Variants in EXOC4 observed in about 807,000 individuals in gnomAD.
EXOC4 encodes exocyst complex component 4.
A neutral mutation model predicts 107.2 loss-of-function variants in EXOC4; 71 were observed. That is an observed-to-expected ratio of 0.66 (90% CI 0.55 to 0.81). EXOC4 has a LOEUF of 0.81. Ranked by LOEUF, EXOC4 falls within the 30% of genes least tolerant of loss-of-function variation. EXOC4 has a pLI of 0.00. For synonymous variants in EXOC4, 456 were observed against 441.2 expected (o/e 1.03, Z -0.42); for missense variants, 1,108 against 1,189.6 (o/e 0.93, Z 1.01).
chr7:133,672,215 C>A (rs1181430139), intron 10 of EXOC4, among the ~76,000 whole-genome samples: 5 of 151,762 alleles, frequency 3.3e-5, no homozygotes, highest in African/African-American at 9.7e-5. Flanking sequence ...CATGGTGAAA[C>A]CCCGTCTCTA....
intron 10 of EXOC4, among the ~76,000 whole-genome samples, chr7:133,780,574 AATT>A (rs1050890693): frequency 2.0e-5 from 3 of 152,122 alleles, no homozygotes; most frequent in African/African-American, 7.2e-5. Context: ...AGTCTACAGG[AATT>A]ATTGTTTGTA....
chr7:134,069,929 C>T (rs1398190564), downstream of EXOC4, among the ~76,000 whole-genome samples: 1 of 152,150 alleles, frequency 6.6e-6, no homozygotes, highest in Non-Finnish European at 1.5e-5. Context: ...TGAGAGAGAC[C>T]AGGGGCCAGC....
intron 17 of EXOC4, among the ~76,000 whole-genome samples, chr7:134,030,679 C>T (rs1585335886): frequency 9.1e-6 from 1 of 109,424 alleles, no homozygotes; most frequent in African/African-American, 3.4e-5. Context: ...CCCCCCTCTG[C>T]CCCCCCAGCT....
chr7:133,695,879 C>T (rs918040233), intron 10 of EXOC4, among the ~76,000 whole-genome samples: 2 of 152,132 alleles, frequency 1.3e-5, no homozygotes, highest in Non-Finnish European at 2.9e-5. Flanking sequence ...AGGGGACCAT[C>T]CAAATTCATT....
chr7:134,055,247 G>A (rs1478225486), intron 17 of EXOC4, among the ~76,000 whole-genome samples: 3 of 152,156 alleles, frequency 2.0e-5, no homozygotes, highest in African/African-American at 7.2e-5. Flanking sequence ...CAGAAGGTCA[G>A]GAATCAGGGT....
chr7:133,849,135 A>G (rs749555327), intron 11 of EXOC4, among the ~76,000 whole-genome samples: 10 of 152,194 alleles, frequency 6.6e-5, no homozygotes, highest in Non-Finnish European at 1.3e-4. Flanking sequence ...AATAACCCCA[A>G]GAGCATAGAG....
At chr7:133,283,863 GT>G (rs974483231) in intron 2 of EXOC4, among the ~76,000 whole-genome samples, 2 of 151,754 alleles carry the variant, frequency 1.3e-5, no homozygotes, top group African/African-American at 2.4e-5. Flanking sequence ...TTTGTGTCTA[GT>G]TTTTTTTGCT....
intron 6 of EXOC4, among the ~76,000 whole-genome samples, chr7:133,371,307 C>G (rs1248736507): frequency 6.6e-6 from 1 of 152,136 alleles, no homozygotes; most frequent in African/African-American, 2.4e-5. Flanking sequence ...GTTTTTAGTA[C>G]ATTCATAGAG....
chr7:133,875,214 G>A (rs1798823512), intron 11 of EXOC4, among the ~76,000 whole-genome samples: 1 of 152,196 alleles, frequency 6.6e-6, no homozygotes, highest in African/African-American at 2.4e-5. Context: ...GATAATGACT[G>A]CTCTAGTTTC....
At chr7:134,025,196 G>A (rs1331576075) in intron 17 of EXOC4, among the ~76,000 whole-genome samples, 1 of 151,962 alleles carries the variant, frequency 6.6e-6, no homozygotes, top group African/African-American at 2.4e-5. Flanking sequence ...TTTTAATTCT[G>A]GCAGTCCACA....
intron 7 of EXOC4, among the ~76,000 whole-genome samples, chr7:133,406,391 G>A (rs1370589336): frequency 2.0e-5 from 3 of 152,016 alleles, no homozygotes; most frequent in Non-Finnish European, 4.4e-5. Context: ...TAATTTTTGA[G>A]CGTTGGGGAT....
chr7:133,796,917 T>C (rs1384872956), intron 10 of EXOC4, among the ~76,000 whole-genome samples: 1 of 152,040 alleles, frequency 6.6e-6, no homozygotes, highest in Non-Finnish European at 1.5e-5. Context: ...CTTAATGGAG[T>C]GTCAGCATAT....
chr7:133,699,159 C>A (rs1342387699), intron 10 of EXOC4, among the ~76,000 whole-genome samples: 2 of 152,074 alleles, frequency 1.3e-5, no homozygotes, highest in Non-Finnish European at 2.9e-5. Context: ...AATGCATGTT[C>A]TTACACTCTT....
intron 12 of EXOC4, among the ~76,000 whole-genome samples, chr7:133,908,373 G>A (rs11770927): frequency 0.47 from 71,216 of 152,152 alleles, 18,002 homozygotes; most frequent in African/African-American, 0.66. Context: ...AGCATAAAGT[G>A]GTAGTGCACA....
chr7:133,735,671 G>A (rs867775311), intron 10 of EXOC4, among the ~76,000 whole-genome samples: 7 of 152,012 alleles, frequency 4.6e-5, no homozygotes, highest in Middle Eastern at 3.4e-3. Flanking sequence ...GGAACGAGTT[G>A]TCTTCTGCTA....
chr7:133,970,607 C>T (rs554744052), intron 14 of EXOC4, among the ~76,000 whole-genome samples: 47 of 152,242 alleles, frequency 3.1e-4, no homozygotes, highest in Non-Finnish European at 5.9e-4. Flanking sequence ...GGGAGTTCCC[C>T]GACTCCTTGC....
At chr7:133,744,493 G>T (rs1357256733) in intron 10 of EXOC4, among the ~76,000 whole-genome samples, 1 of 152,154 alleles carries the variant, frequency 6.6e-6, no homozygotes, top group African/African-American at 2.4e-5. Flanking sequence ...TTAACTCAGT[G>T]AACCCAAAAT....
intron 9 of EXOC4, among the ~76,000 whole-genome samples, chr7:133,605,785 G>C (rs1013600763): frequency 6.6e-6 from 1 of 152,140 alleles, no homozygotes; most frequent in East Asian, 1.9e-4. Flanking sequence ...TTAGCATATA[G>C]ATGGTACTTA....
chr7:133,904,119 A>G (rs1322011221), intron 12 of EXOC4, among the ~76,000 whole-genome samples: 4 of 152,196 alleles, frequency 2.6e-5, no homozygotes, highest in African/African-American at 4.8e-5. Context: ...GAAATGGCAT[A>G]GTGGCTGGAG....
Sources: allele counts gnomAD v4.1 joint callset (sites outside exome capture counted in the v4.1 genomes callset), GRCh38; gene constraint gnomAD v4.1.1; transcripts MANE v1.5; gene names NCBI Gene and HGNC (gene_info 2026-07-23, HGNC 2026-07-21).